The following CTNNA3 variants were observed in gnomAD, a reference collection of about 807,000 sequenced individuals.
CTNNA3 encodes the protein catenin alpha-3.
A neutral mutation model predicts 95.7 loss-of-function variants in CTNNA3; 76 were observed. The ratio of observed to expected loss-of-function variants is 0.79; its 90% CI spans 0.66 to 0.96. The LOEUF (loss-of-function observed/expected upper bound fraction) is 0.96. Ranked by LOEUF, CTNNA3 falls within the 40% of genes least tolerant of loss-of-function variation. The probability of loss-of-function intolerance (pLI) is 0.00; values close to 1 mark genes in which losing one functional copy is unlikely to be tolerated. For missense variants in CTNNA3, 1,191 were observed against 1,089.8 expected, an observed-to-expected ratio of 1.09 and a Z score of -1.31; for synonymous variants, 431 against 374.4, an observed-to-expected ratio of 1.15 and a Z score of -1.74.
intron 17 of CTNNA3, among the ~76,000 whole-genome samples, chr10:65,946,504 C>T (rs1379547916): frequency 6.6e-6 from 1 of 152,114 alleles, no homozygotes; most frequent in East Asian, 1.9e-4. Flanking sequence ...TGGATCTCTA[C>T]TTACACTACT....
chr10:66,650,590 A>C (rs559883722), intron 9 of CTNNA3, among the ~76,000 whole-genome samples: 1 of 152,184 alleles, frequency 6.6e-6, no homozygotes, highest in Non-Finnish European at 1.5e-5. Flanking sequence ...ACAGTTTTTA[A>C]AGATGGTGTG....
intron 7 of CTNNA3, among the ~76,000 whole-genome samples, chr10:67,155,074 G>A (rs780412268): frequency 3.3e-5 from 5 of 151,940 alleles, no homozygotes; most frequent in Middle Eastern, 6.8e-3. Flanking sequence ...TCGTAATTAC[G>A]TATTAATTTA....
intron 13 of CTNNA3, among the ~76,000 whole-genome samples, chr10:66,233,228 A>T (rs1334385683): frequency 6.6e-6 from 1 of 151,926 alleles, no homozygotes; most frequent in Non-Finnish European, 1.5e-5. Context: ...TGAAAGGAAA[A>T]ACAATAAAGT....
chr10:66,763,971 C>A (rs1348936575), intron 9 of CTNNA3, among the ~76,000 whole-genome samples: 1 of 152,154 alleles, frequency 6.6e-6, no homozygotes, highest in Non-Finnish European at 1.5e-5. Flanking sequence ...TTGCCCAGCT[C>A]TTCCCAGTCA....
At chr10:67,097,473 G>A in intron 7 of CTNNA3, 1 of 858,554 alleles carries the variant, frequency 1.2e-6, no homozygotes, top group Non-Finnish European at 1.9e-6. Flanking sequence ...CTGGGCCACA[G>A]GGCCACAGAT....
chr10:66,276,194 T>G (rs1309688767), intron 13 of CTNNA3, among the ~76,000 whole-genome samples: 1 of 151,734 alleles, frequency 6.6e-6, no homozygotes, highest in Non-Finnish European at 1.5e-5. Flanking sequence ...AATGCAAACT[T>G]GAGTTATGGA....
intron 11 of CTNNA3, among the ~76,000 whole-genome samples, chr10:66,389,192 A>G (rs2132523509): frequency 6.6e-6 from 1 of 151,362 alleles, no homozygotes; most frequent in East Asian, 2.0e-4. Flanking sequence ...AGCAAAAGTC[A>G]TTTGGTTCTC....
chr10:67,305,378 T>TA lies in CTNNA3; in HGVS notation c.580-85509dup, dbSNP rs562331483. ...TTAGAGTATAATAAAAAAAAAAAAT[T>TA]AAAAAAAAAAAAAAGAGAGAGAGAC... On this transcript the variant is annotated intron_variant, in intron 5 of 17. Transcript: ENST00000433211. 7.6e-3 allele frequency among the ~76,000 whole-genome samples: 800 copies of TA among 105,504 alleles called. 6 individuals carry two copies. Among genetic ancestry groups the TA allele is most frequent in the African/African-American group, 0.025 (677 of 26,966 alleles). The allele number at this position is 105,504 out of a possible 152,430, so 69.2% of individuals were successfully genotyped here. A position where few individuals can be genotyped will look rare whatever the true frequency, so the allele number is the denominator to read the frequency against.
At chr10:66,795,412 C>T (rs56250780) in intron 7 of CTNNA3, among the ~76,000 whole-genome samples, 37,149 of 151,894 alleles carry the variant, frequency 0.24, 5,242 homozygotes, top group African/African-American at 0.4. Context: ...AAAAGGAATC[C>T]TTTTCTGAGC....
chr10:66,297,798 T>G (rs2091802675), intron 12 of CTNNA3, among the ~76,000 whole-genome samples: 1 of 152,200 alleles, frequency 6.6e-6, no homozygotes. Context: ...ATGGTGGAGC[T>G]ACTGCGGGTC....
At chr10:67,384,470 T>C (rs1305987864) in intron 5 of CTNNA3, among the ~76,000 whole-genome samples, 1 of 152,232 alleles carries the variant, frequency 6.6e-6, no homozygotes, top group Non-Finnish European at 1.5e-5. Context: ...TGGTTTTTCT[T>C]GTTCCAGGAA....
At chr10:67,155,661 C>T (rs1247986223) in intron 7 of CTNNA3, among the ~76,000 whole-genome samples, 1 of 151,666 alleles carries the variant, frequency 6.6e-6, no homozygotes. Flanking sequence ...TTGTTTTATC[C>T]ATGATTGGCT....
chr10:67,460,910 T>C (rs1320358692), intron 5 of CTNNA3, among the ~76,000 whole-genome samples: 2 of 152,204 alleles, frequency 1.3e-5, no homozygotes, highest in Non-Finnish European at 2.9e-5. Flanking sequence ...AAGGTAATAA[T>C]GTTCTGTCAT....
At chr10:67,561,811 C>T (rs1245718263) in intron 3 of CTNNA3, among the ~76,000 whole-genome samples, 1 of 151,806 alleles carries the variant, frequency 6.6e-6, no homozygotes, top group Non-Finnish European at 1.5e-5. Flanking sequence ...GGGGATATCA[C>T]CGCCAATGCC....
At chr10:65,949,945 A>C (rs58864430) in intron 17 of CTNNA3, among the ~76,000 whole-genome samples, 3,233 of 152,140 alleles carry the variant, frequency 0.021, 114 homozygotes, top group African/African-American at 0.074. Context: ...GTTGTTAAAC[A>C]CTCTACAATG....
intron 5 of CTNNA3, among the ~76,000 whole-genome samples, chr10:67,456,898 C>A (rs996629220): frequency 6.6e-6 from 1 of 152,060 alleles, no homozygotes; most frequent in Non-Finnish European, 1.5e-5. Flanking sequence ...TATGAGCCAA[C>A]TCTAGCAGAA....
intron 5 of CTNNA3, among the ~76,000 whole-genome samples, chr10:67,403,193 A>C (rs192606944): frequency 9.9e-5 from 15 of 152,070 alleles, no homozygotes; most frequent in African/African-American, 3.6e-4. Context: ...ATGTGGCCAG[A>C]CTACTTCTTT....
intron 2 of CTNNA3, among the ~76,000 whole-genome samples, chr10:67,613,790 C>T (rs1018007963): frequency 4.0e-5 from 6 of 151,704 alleles, no homozygotes; most frequent in African/African-American, 9.6e-5. Context: ...GCTTAAGCCA[C>T]GGTTCCCCAA....
chr10:66,127,088 G>A (rs1175453821), intron 13 of CTNNA3, among the ~76,000 whole-genome samples: 6 of 151,816 alleles, frequency 4.0e-5, no homozygotes, highest in Middle Eastern at 3.2e-3. Context: ...TGGCTAACAC[G>A]GTGAAACCCC....
Sources: gnomAD v4.1 joint callset for allele counts (sites outside exome capture counted in the v4.1 genomes callset) on GRCh38, gnomAD v4.1.1 for gene constraint, MANE v1.5 for transcripts, NCBI Gene and HGNC (gene_info 2026-07-23, HGNC 2026-07-21) for gene names.